ZNF772: variants seen among roughly 807,000 people sequenced by gnomAD.
ZNF772 encodes the protein zinc finger protein 772.
In ZNF772, 8 loss-of-function variants were observed where a neutral mutation model predicts 11.0. The observed-to-expected ratio is 0.73, with a 90% CI of 0.43 to 1.31. The LOEUF is 1.31. ZNF772 is among the 50% of genes most tolerant of loss of function. The pLI is 0.01. For synonymous variants in ZNF772, 155 were observed against 180.4 expected, an observed-to-expected ratio of 0.86 and a Z score of 1.13; for missense variants, 496 against 552.3, an observed-to-expected ratio of 0.90 and a Z score of 1.02.
At position 57,477,543 on chromosome 19, in the gene ZNF772, C is replaced by A. The variant is rs1178913924; in HGVS notation, c.-234G>T. ...AATGGAAAAGCAAACAAAATGTCCA[C>A]CCGAGGATGGTAGAGGAAGTCCCGC... On this transcript the variant is annotated 5_prime_UTR_variant, in exon 1 of 4. Coordinates refer to ENST00000356584, the MANE Select transcript of ZNF772 (RefSeq NM_001144068.2). The A allele has an allele frequency of 2.0e-6, 1 of 488,676 alleles. No homozygotes were observed. Among genetic ancestry groups the A allele is most frequent in the Non-Finnish European group, 3.7e-6 (1 of 272,838 alleles). The allele number at this position is 488,676 out of a possible 1,614,324, so 30.3% of individuals were successfully genotyped here.
Position 57,474,003 on chromosome 19 carries a change from C to T in ZNF772, c.618G>A (p.Trp206Ter), listed in dbSNP as rs753391786. 1 of 1,614,174 alleles carries T rather than the reference C, an allele frequency of 6.2e-7. No homozygotes were observed. The highest frequency in any genetic ancestry group is 1.1e-5 in the South Asian group (1 of 91,082). Residue 206 changes from tryptophan (W) to a stop codon, truncating the protein, a stop_gained, in exon 4 of 4, where the codon TGG becomes TGA. Transcript: ENST00000356584. LOFTEE classifies it low-confidence loss of function (END_TRUNC). ...CACACTTGGTGTTGCTGTGTGGCTT[C>T]CACTCATTGTGAGGGGCATGGTGCT... Reference protein sequence around the residue: ...IFEHHAPHNEWKPHSNTKCEE... With the variant: ...IFEHHAPHNE
chr19:57,476,090 C>A (rs1335343129), intron 2 of ZNF772, among the ~76,000 whole-genome samples: 3 of 152,202 alleles, frequency 2.0e-5, no homozygotes, highest in Non-Finnish European at 4.4e-5. Context: ...TACCAGACAA[C>A]CAAAGATGGG....
In ZNF772 at chr19:57,471,251, G is replaced by T. The variant is rs2089210177; in HGVS notation, c.*2023C>A. 6.6e-6 allele frequency: 1 copy of T among 151,376 alleles called. No individual in the cohort carries two copies. Among genetic ancestry groups the T allele is most frequent in the Admixed American group, 6.6e-5 (1 of 15,218 alleles). 9.4% of individuals were successfully genotyped at this position (151,376 alleles called of 1,614,324 possible). ...CCTGGGCAAGATATAAAATTACAAA[G>T]AAAAAAAAGCAAGCAAGCAAGAAAG... On this transcript the variant is annotated 3_prime_UTR_variant, in exon 4 of 4. Transcript: ENST00000356584.
intron 2 of ZNF772, 106 bp downstream of exon 2, chr19:57,476,528 C>T (rs2089285606): frequency 1.4e-6 from 2 of 1,417,376 alleles, no homozygotes; most frequent in Non-Finnish European, 2.0e-6. Flanking sequence ...TCCTCAGACC[C>T]AAGAGATCGG....
In ZNF772 at chr19:57,477,419, A is replaced by C; in HGVS notation, c.-110T>G. The C allele has an allele frequency of 1.7e-6, 2 of 1,173,614 alleles. No individual in the cohort carries two copies. Among genetic ancestry groups the C allele is most frequent in the Non-Finnish European group, 2.5e-6 (2 of 803,024 alleles). The allele number at this position is 1,173,614 out of a possible 1,614,324, so 72.7% of individuals were successfully genotyped here. A position where few individuals can be genotyped will look rare whatever the true frequency, so the allele number is the denominator to read the frequency against. ...TCAGGCAGCGCCACTGTCAAGCCTCAGGCCCACCTCTCTTCAGGGAAGAAG... is the reference window on the plus strand; with the variant it reads ...TCAGGCAGCGCCACTGTCAAGCCTCCGGCCCACCTCTCTTCAGGGAAGAAG... On this transcript the variant is annotated 5_prime_UTR_variant, in exon 1 of 4. Coordinates refer to ENST00000356584, the MANE Select transcript of ZNF772 (RefSeq NM_001144068.2).
intron 3 of ZNF772, chr19:57,474,890 G>A: frequency 7.9e-7 from 1 of 1,264,430 alleles, no homozygotes; most frequent in Non-Finnish European, 1.1e-6. Flanking sequence ...GCAGAGGTAT[G>A]GAACATCCAG....
At position 57,472,507 on chromosome 19, in the gene ZNF772, G is replaced by A; in HGVS notation, c.*767C>T. 1 of 207,620 alleles carries A rather than the reference G, an allele frequency of 4.8e-6. No individual in the cohort carries two copies. Among genetic ancestry groups the A allele is most frequent in the Non-Finnish European group, 9.8e-6 (1 of 101,586 alleles). The allele number at this position is 207,620 out of a possible 1,614,324, so 12.9% of individuals were successfully genotyped here. ...CAAAGACTGGCATTCTTTCCTAGGA[G>A]AGCTGAAGCAGTCAAGTAAGTTAGC... On this transcript the variant is annotated 3_prime_UTR_variant, in exon 4 of 4. Transcript: ENST00000356584.
chr19:57,475,541 A>C lies in ZNF772; in HGVS notation c.199+119T>G. 6.6e-7 allele frequency: 1 copy of C among 1,505,860 alleles called. No individual in the cohort carries two copies. The highest frequency in any genetic ancestry group is 9.2e-7 in the Non-Finnish European group (1 of 1,084,516). The allele number at this position is 1,505,860 out of a possible 1,614,324, so 93.3% of individuals were successfully genotyped here. ...GCCCAGCACTCACAGAACCTACTCCAGGCACTAAGAAATGAGACAGTGTCC... is the reference window on the plus strand; with the variant it reads ...GCCCAGCACTCACAGAACCTACTCCCGGCACTAAGAAATGAGACAGTGTCC... On this transcript the variant is annotated intron_variant, in intron 3 of 3. Transcript: ENST00000356584. This position sits in a 1 kb window ranked among gnomAD's most constrained non-coding sequence, Gnocchi z 4.2.
rs977762907 is a variant in ZNF772, at chr19:57,477,367, C to G, written c.-58G>C. 1.2e-6 allele frequency: 2 copies of G among 1,602,626 alleles called. No homozygotes were observed. The highest frequency in any genetic ancestry group is 1.7e-5 in the Admixed American group (1 of 59,202). On this transcript the variant is annotated 5_prime_UTR_variant, in exon 1 of 4. Coordinates refer to ENST00000356584, the MANE Select transcript of ZNF772 (RefSeq NM_001144068.2). ...GTGCAGGAACCTGGGATCAGCTGTCCAGGGCCCAGCCCAGCGGCTAGGTCA... is the reference window on the plus strand; with the variant it reads ...GTGCAGGAACCTGGGATCAGCTGTCGAGGGCCCAGCCCAGCGGCTAGGTCA...
chr19:57,475,188 T>A lies in ZNF772; in HGVS notation c.199+472A>T. 6.2e-7 allele frequency: 1 copy of A among 1,607,430 alleles called. No homozygotes were observed. The highest frequency in any genetic ancestry group is 8.5e-7 in the Non-Finnish European group (1 of 1,175,856). ...ACAGCACTGGTCTGGGTAACCCATATAGAAAACTAAATATTATTAAAATAA... is the reference window on the plus strand; with the variant it reads ...ACAGCACTGGTCTGGGTAACCCATAAAGAAAACTAAATATTATTAAAATAA... On this transcript the variant is annotated intron_variant, in intron 3 of 3. Transcript: ENST00000356584. This position sits in a 1 kb window ranked among gnomAD's most constrained non-coding sequence, Gnocchi z 4.2.
At position 57,474,500 on chromosome 19, in the gene ZNF772, A is replaced by G; in HGVS notation, c.200-79T>C. 26 of 1,438,548 alleles carry G rather than the reference A, an allele frequency of 1.8e-5. No individual in the cohort carries two copies. In the South Asian group the frequency reaches 3.3e-4, roughly 18 times the overall value. The allele number at this position is 1,438,548 out of a possible 1,614,324, so 89.1% of individuals were successfully genotyped here. On this transcript the variant is annotated intron_variant, in intron 3 of 3. Transcript: ENST00000356584. ...AAGCCTCACTACAAATATGTGTCTAACACAACTAAGACCAAGGTCATAGGA... is the reference window on the plus strand; with the variant it reads ...AAGCCTCACTACAAATATGTGTCTAGCACAACTAAGACCAAGGTCATAGGA...
chr19:57,476,783 T>G, intron 1 of ZNF772, 111 bp from the exon 2 acceptor site: 3 of 933,118 alleles, frequency 3.2e-6, no homozygotes, highest in Non-Finnish European at 4.8e-6. Context: ...GCTGAATGTC[T>G]ACCCTCTGTG....
In ZNF772 at chr19:57,470,894, T is replaced by C. The variant is rs1019091933; in HGVS notation, c.*2380A>G. On this transcript the variant is annotated 3_prime_UTR_variant, in exon 4 of 4. Coordinates refer to ENST00000356584, the MANE Select transcript of ZNF772 (RefSeq NM_001144068.2). ...CAGACAGATGTATATATAACTAGTA[T>C]AGCCCTCCATCTACCATGGAAATCA... 2 of 152,140 alleles carry C rather than the reference T, an allele frequency of 1.3e-5. No individual in the cohort carries two copies. Among genetic ancestry groups the C allele is most frequent in the African/African-American group, 4.8e-5 (2 of 41,432 alleles). The allele number at this position is 152,140 out of a possible 1,614,324, so 9.4% of individuals were successfully genotyped here.
Position 57,473,373 on chromosome 19 carries a change from A to T in ZNF772, c.1248T>A (p.Thr416=). ...HVLVQHHRIH[T]GERPYKCSEC... ...CACTGCACTTATATGGCCTTTCTCC[A>T]GTGTGAATTCTATGATGCTGAACAA... is the stretch of plus-strand genomic sequence containing the variant. Residue 416 remains threonine, a synonymous_variant, in exon 4 of 4, where the codon ACT becomes ACA. Coordinates refer to ENST00000356584, the MANE Select transcript of ZNF772 (RefSeq NM_001144068.2). The T allele has an allele frequency of 6.2e-7, 1 of 1,614,194 alleles. No homozygotes were observed. Among genetic ancestry groups the T allele is most frequent in the Non-Finnish European group, 8.5e-7 (1 of 1,180,026 alleles).
chr19:57,477,216 T>C (rs2089294350), intron 1 of ZNF772, 61 bp downstream of exon 1: 1 of 1,609,722 alleles, frequency 6.2e-7, no homozygotes, highest in Admixed American at 1.7e-5. Flanking sequence ...GAATCGTTCA[T>C]TCGAAGCTTT....
chr19:57,477,202 C>G (rs1403219245), intron 1 of ZNF772, 75 bp downstream of exon 1: 2 of 1,601,138 alleles, frequency 1.2e-6, no homozygotes, highest in African/African-American at 1.3e-5. Context: ...TGCAGTAACC[C>G]GAGGAATCGT....
Position 57,473,520 on chromosome 19 carries a change from G to A in ZNF772, c.1101C>T (p.Cys367=). ...SVHTGARPYE[C]IACGKFFSQS... ...GGCTAAAGAACTTCCCACATGCGAT[G>A]CACTCATAAGGCCTTGCTCCAGTAT... The change falls in exon 4 of 4, where the codon TGC becomes TGT. Residue 367 remains cysteine, a synonymous_variant. Transcript: ENST00000356584. 6.2e-7 allele frequency: 1 copy of A among 1,613,880 alleles called. No individual in the cohort carries two copies. The highest frequency in any genetic ancestry group is 8.5e-7 in the Non-Finnish European group (1 of 1,179,790).
chr19:57,477,316 T>A lies in ZNF772; in HGVS notation c.-7A>T, dbSNP rs767501872. The A allele has an allele frequency of 1.2e-6, 2 of 1,613,060 alleles. No homozygotes were observed. Among genetic ancestry groups the A allele is most frequent in the African/African-American group, 2.7e-5 (2 of 74,870 alleles). ...TCGGCTCAGCCGCCGCCATCAGGCC[T>A]GTGGACTACGGAAGGGTGGCGACAA... On this transcript the variant is annotated 5_prime_UTR_variant, in exon 1 of 4. Transcript: ENST00000356584.
rs2089248159 is a variant in ZNF772, at chr19:57,473,853, A to G, written c.768T>C (p.Gly256=). The change falls in exon 4 of 4, where the codon GGT becomes GGC. Residue 256 remains glycine, a synonymous_variant. Transcript: ENST00000356584. The part of the protein sequence containing the change: ...VHTGERPYEC[G]ECGKTFSRKP... ...TGCGGCTAAAGGTTTTCCCACATTC[A>G]CCGCACTCATAAGGCCTTTCTCCAG... 1 of 1,612,440 alleles carries G rather than the reference A, an allele frequency of 6.2e-7. No homozygotes were observed. Among genetic ancestry groups the G allele is most frequent in the Non-Finnish European group, 8.5e-7 (1 of 1,179,576 alleles).
Sources: gnomAD v4.1 joint callset for allele counts (sites outside exome capture counted in the v4.1 genomes callset) on GRCh38, gnomAD v4.1.1 for gene constraint, Gnocchi (gnomAD v3.1) non-coding constraint, MANE v1.5 for transcripts, NCBI Gene and HGNC (gene_info 2026-07-23, HGNC 2026-07-21) for gene names.